ROS1: variants seen among roughly 807,000 people sequenced by gnomAD.
The protein encoded by ROS1 is proto-oncogene tyrosine-protein kinase ROS.
Under a neutral mutation model 273.5 loss-of-function variants are expected in ROS1, and 263 were observed. The ratio of observed to expected loss-of-function variants is 0.96; its 90% CI spans 0.87 to 1.06. The LOEUF (loss-of-function observed/expected upper bound fraction) is 1.06. Ranked by LOEUF, ROS1 falls within the 50% of genes least tolerant of loss-of-function variation. The pLI, the probability that ROS1 is intolerant of heterozygous loss-of-function variation, is 0.00. For synonymous variants in ROS1, 1,008 were observed against 954.1 expected (o/e 1.06, Z -1.04); for missense variants, 2,833 against 2,751.1 (o/e 1.03, Z -0.67).
intron 4 of ROS1, among the ~76,000 whole-genome samples, chr6:117,411,653 A>G (rs1774921277): frequency 6.6e-6 from 1 of 152,058 alleles, no homozygotes; most frequent in African/African-American, 2.4e-5. Context: ...TGCCCTTTCC[A>G]GCTTCTGTAA....
chr6:117,291,991 AT>A (rs1326070911), intron 43 of ROS1, among the ~76,000 whole-genome samples: 1 of 147,854 alleles, frequency 6.8e-6, no homozygotes, highest in African/African-American at 2.5e-5. Context: ...TTTTTTTGAG[AT>A]GGAGTCTCAC....
At position 117,357,897 on chromosome 6, in the gene ROS1, A is replaced by T; in HGVS notation, c.3746T>A (p.Val1249Asp). 6.2e-7 allele frequency: 1 copy of T among 1,613,614 alleles called. No individual in the cohort carries two copies. The stretch of plus-strand genomic sequence containing the variant: ...ATATTTCACCTTGTGTTCAAGATCA[A>T]CATCAAATACTTGCATTCCATTTTG... ...ESQNGMQVFDVDLEHKVKYPR... is the reference protein window; with the variant it reads ...ESQNGMQVFDDDLEHKVKYPR... Residue 1249 changes from valine to aspartate, a missense_variant, in exon 25 of 44, where the codon GTT becomes GAT. By Grantham distance (152) the Val-to-Asp change is radical. Coordinates refer to ENST00000368507, the MANE Select transcript of ROS1 (RefSeq NM_001378902.1).
intron 18 of ROS1, 122 bp downstream of exon 18, chr6:117,378,937 G>A (rs188986916): frequency 1.6e-6 from 1 of 632,732 alleles, no homozygotes; most frequent in African/African-American, 1.8e-5. Flanking sequence ...CAAGCCCAAT[G>A]CCTGCAACAC....
chr6:117,307,156 C>T (rs561160685), intron 42 of ROS1, among the ~76,000 whole-genome samples: 2 of 152,224 alleles, frequency 1.3e-5, no homozygotes, highest in African/African-American at 2.4e-5. Flanking sequence ...CAAAGTTCAA[C>T]TTGTCTACCT....
intron 31 of ROS1, among the ~76,000 whole-genome samples, chr6:117,339,039 A>G (rs1426930680): frequency 6.6e-6 from 1 of 152,086 alleles, no homozygotes; most frequent in Non-Finnish European, 1.5e-5. Context: ...CCCATTTTAA[A>G]TATGTTCTTC....
chr6:117,368,926 T>G (rs993659983), intron 18 of ROS1, among the ~76,000 whole-genome samples: 1 of 152,142 alleles, frequency 6.6e-6, no homozygotes, highest in African/African-American at 2.4e-5. Flanking sequence ...AGTGACATTT[T>G]GATATGTTAT....
rs1404978043 is a variant in ROS1, at chr6:117,291,446, C to T, written c.6716-2644G>A. The stretch of plus-strand genomic sequence containing the variant: ...TCTAGCAGGTCATAAGTAATCATTG[C>T]TTTCATTATACCTAGCTGTGCAGTA... On this transcript the variant is annotated intron_variant, in intron 43 of 43. Transcript: ENST00000368507. 3.3e-5 allele frequency among the ~76,000 whole-genome samples: 5 copies of T among 152,214 alleles called. No individual in the cohort carries two copies. In the East Asian group the frequency reaches 7.7e-4, roughly 24 times the overall value.
chr6:117,385,800 C>A lies in ROS1; in HGVS notation c.2172G>T (p.Trp724Cys), dbSNP rs1166225687. 1 of 1,614,050 alleles carries A rather than the reference C, an allele frequency of 6.2e-7. No individual in the cohort carries two copies. The highest frequency in any genetic ancestry group is 8.5e-7 in the Non-Finnish European group (1 of 1,180,040). ...YSDTKGDVFV[W>C]LLNGTDISEN... ...CTGAGATATCCGTCCCATTCAGCAG[C>A]CACACAAAAACGTCGCCTTTCGTGT... The change falls in exon 16 of 44, where the codon TGG becomes TGT. Residue 724 changes from tryptophan to cysteine, a missense_variant. Physicochemically the swap from Trp to Cys is radical, Grantham distance 215. Coordinates refer to ENST00000368507, the MANE Select transcript of ROS1 (RefSeq NM_001378902.1).
intron 33 of ROS1, chr6:117,328,611 G>T (rs747602377): frequency 9.9e-5 from 45 of 455,714 alleles, no homozygotes; most frequent in Non-Finnish European, 1.7e-4. Flanking sequence ...TATAATTATG[G>T]AAGTGACTTT....
At chr6:117,305,694 A>G (rs1382438765) in intron 42 of ROS1, among the ~76,000 whole-genome samples, 1 of 152,200 alleles carries the variant, frequency 6.6e-6, no homozygotes, top group African/African-American at 2.4e-5. Context: ...GAATGAAATG[A>G]AGAGGCTTTT....
At chr6:117,371,107 T>C (rs1027056672) in intron 18 of ROS1, among the ~76,000 whole-genome samples, 1 of 152,174 alleles carries the variant, frequency 6.6e-6, no homozygotes, top group African/African-American at 2.4e-5. Context: ...CCCATTCAGA[T>C]GGACAGAGCG....
chr6:117,413,699 C>T (rs1169441547), intron 4 of ROS1, among the ~76,000 whole-genome samples: 4 of 152,044 alleles, frequency 2.6e-5, no homozygotes, highest in Non-Finnish European at 5.9e-5. Context: ...AAGAAAATTA[C>T]GGCCAGGCTT....
intron 21 of ROS1, among the ~76,000 whole-genome samples, chr6:117,364,822 C>T (rs1314452943): frequency 1.3e-5 from 2 of 152,172 alleles, no homozygotes; most frequent in African/African-American, 4.8e-5. Flanking sequence ...GCATCTTCTA[C>T]ATCACTACAA....
At chr6:117,380,146 T>A (rs1334935369) in intron 17 of ROS1, among the ~76,000 whole-genome samples, 1 of 152,132 alleles carries the variant, frequency 6.6e-6, no homozygotes, top group Non-Finnish European at 1.5e-5. Context: ...AATCTCCCTG[T>A]AACATACCTA....
intron 19 of ROS1, 23 bp from the exon 20 acceptor site, chr6:117,365,764 G>A (rs781163726): frequency 4.7e-6 from 7 of 1,487,736 alleles, no homozygotes; most frequent in Non-Finnish European, 2.7e-6. Context: ...ACAAAAAAAA[G>A]AAATAGGAGA....
intron 42 of ROS1, among the ~76,000 whole-genome samples, chr6:117,307,921 TG>T (rs962926757): frequency 6.6e-6 from 1 of 152,158 alleles, no homozygotes; most frequent in African/African-American, 2.4e-5. Flanking sequence ...CATGTTGGCT[TG>T]GCATCCAACT....
chr6:117,350,178 C>A (rs1778707671), intron 27 of ROS1, among the ~76,000 whole-genome samples: 1 of 152,040 alleles, frequency 6.6e-6, no homozygotes, highest in Non-Finnish European at 1.5e-5. Context: ...AGCAGGTCTA[C>A]TGATAACAAA....
chr6:117,394,268 A>C lies in ROS1; in HGVS notation c.1085T>G (p.Met362Arg), dbSNP rs1026474078. The change falls in exon 11 of 44, where the codon ATG becomes AGG. Residue 362 changes from methionine to arginine, a missense_variant. Transcript: ENST00000368507. ...AATTCTCAGGTCAGATACATCAGACATGTTGGCAGCCTTCTTCGCCCATAT... is the reference window on the plus strand; with the variant it reads ...AATTCTCAGGTCAGATACATCAGACCTGTTGGCAGCCTTCTTCGCCCATAT... ...TLIWAKKAAN[M>R]SDVSDLRIFY... 2 of 1,611,128 alleles carry C rather than the reference A, an allele frequency of 1.2e-6. No homozygotes were observed. The highest frequency in any genetic ancestry group is 1.7e-6 in the Non-Finnish European group (2 of 1,178,946).
intron 13 of ROS1, among the ~76,000 whole-genome samples, chr6:117,388,742 A>G (rs956637587): frequency 2.6e-5 from 4 of 152,214 alleles, no homozygotes; most frequent in African/African-American, 9.6e-5. Flanking sequence ...CCTCTGTGCT[A>G]GATACTGTTC....
Sources: gnomAD v4.1 joint callset for allele counts (sites outside exome capture counted in the v4.1 genomes callset) on GRCh38, gnomAD v4.1.1 for gene constraint, MANE v1.5 for transcripts, NCBI Gene and HGNC (gene_info 2026-07-23, HGNC 2026-07-21) for gene names.